ZC3H3: variants seen among roughly 807,000 people sequenced by gnomAD.
The protein encoded by ZC3H3 is zinc finger CCCH-type containing 3, also known as zinc finger CCCH domain-containing protein 3.
In ZC3H3, 36 loss-of-function variants were observed where a neutral mutation model predicts 77.3. That is an observed-to-expected ratio of 0.47 (90% CI 0.36 to 0.61). ZC3H3 has a LOEUF of 0.61. Among genes scored for constraint, ZC3H3 ranks in the 20% least tolerant of loss-of-function variants. The pLI is 0.00. For synonymous variants in ZC3H3, 626 were observed against 555.2 expected, an observed-to-expected ratio of 1.13 and a Z score of -1.79; for missense variants, 1,331 against 1,312.2, an observed-to-expected ratio of 1.01 and a Z score of -0.22.
chr8:143,540,361 G>C (rs986614416), intron 1 of ZC3H3, among the ~76,000 whole-genome samples: 8 of 152,240 alleles, frequency 5.3e-5, no homozygotes, highest in African/African-American at 1.9e-4. Flanking sequence ...TGAGTAGCTG[G>C]GACTACAGGC....
intron 4 of ZC3H3, 93 bp downstream of exon 4, chr8:143,507,653 C>G: frequency 7.4e-7 from 1 of 1,355,268 alleles, no homozygotes. Context: ...TGCTCAGCTC[C>G]CCCTGGCCCT....
At chr8:143,536,075 G>A (rs1213334770) in intron 3 of ZC3H3, among the ~76,000 whole-genome samples, 182 bp downstream of exon 3, 2 of 152,228 alleles carry the variant, frequency 1.3e-5, no homozygotes, top group Non-Finnish European at 2.9e-5. Context: ...AGACTGCAGG[G>A]CGCAGCATCC....
At chr8:143,516,337 C>T (rs1457052561) in intron 3 of ZC3H3, among the ~76,000 whole-genome samples, 2 of 152,198 alleles carry the variant, frequency 1.3e-5, no homozygotes, top group Non-Finnish European at 2.9e-5. Context: ...TGGCCAGGAG[C>T]AGGGCCACGG....
At chr8:143,465,509 T>C (rs1047715448) in intron 9 of ZC3H3, among the ~76,000 whole-genome samples, 11 of 152,232 alleles carry the variant, frequency 7.2e-5, no homozygotes, top group African/African-American at 2.7e-4. Flanking sequence ...CACCTTCCCA[T>C]GGTTCAAACC....
intron 3 of ZC3H3, among the ~76,000 whole-genome samples, chr8:143,524,452 G>A (rs533668914): frequency 2.6e-5 from 4 of 152,226 alleles, no homozygotes; most frequent in East Asian, 3.8e-4. Context: ...AGACACACCC[G>A]GCCGAGGGGC....
chr8:143,540,604 C>A (rs1822978908), intron 1 of ZC3H3, among the ~76,000 whole-genome samples: 1 of 152,188 alleles, frequency 6.6e-6, no homozygotes, highest in African/African-American at 2.4e-5. Context: ...GAAGCCTGTT[C>A]AGTCTGCGCC....
At position 143,533,964 on chromosome 8, in the gene ZC3H3, C is replaced by T. The variant is rs1022161065; in HGVS notation, c.1561+2293G>A. 6.6e-6 allele frequency among the ~76,000 whole-genome samples: 1 copy of T among 152,020 alleles called. No homozygotes were observed. Among genetic ancestry groups the T allele is most frequent in the South Asian group, 2.1e-4 (1 of 4,824 alleles). On this transcript the variant is annotated intron_variant, in intron 3 of 11. Transcript: ENST00000262577. This position sits in a 1 kb window ranked among gnomAD's most constrained non-coding sequence, Gnocchi z 4.0. ...GTGCTGGGATTACAGGCATGAGCCA[C>T]CACGCCCAGCCTCACGTTGGTCTTT...
intron 4 of ZC3H3, among the ~76,000 whole-genome samples, chr8:143,497,006 C>A (rs1821369576): frequency 6.6e-6 from 1 of 152,232 alleles, no homozygotes; most frequent in Non-Finnish European, 1.5e-5. Flanking sequence ...TCCGGGGGCA[C>A]CAGGGCTCCG....
At chr8:143,491,592 T>C (rs557419346) in intron 4 of ZC3H3, among the ~76,000 whole-genome samples, 1 of 152,336 alleles carries the variant, frequency 6.6e-6, no homozygotes, top group South Asian at 2.1e-4. Flanking sequence ...CACCAGCTCC[T>C]CAGGCCAGCC....
intron 3 of ZC3H3, among the ~76,000 whole-genome samples, chr8:143,508,726 C>A (rs899064293): frequency 1.3e-5 from 2 of 151,992 alleles, no homozygotes; most frequent in South Asian, 4.2e-4. Context: ...GCCCCCGCCC[C>A]CCTCCACCCC....
intron 3 of ZC3H3, among the ~76,000 whole-genome samples, chr8:143,532,578 C>A (rs1463323090): frequency 2.0e-5 from 3 of 152,224 alleles, no homozygotes; most frequent in African/African-American, 7.2e-5. Flanking sequence ...ACGAACACCC[C>A]AGCCGATGGA....
At chr8:143,520,344 C>T (rs971072929) in intron 3 of ZC3H3, among the ~76,000 whole-genome samples, 5 of 152,340 alleles carry the variant, frequency 3.3e-5, no homozygotes, top group East Asian at 1.9e-4. Flanking sequence ...AGCACCCTTC[C>T]GGGGCCACTC....
At position 143,537,989 on chromosome 8, in the gene ZC3H3, G is replaced by A. The variant is rs1822857230; in HGVS notation, c.1364+14C>T. 1.3e-6 allele frequency: 2 copies of A among 1,584,598 alleles called. No homozygotes were observed. Among genetic ancestry groups the A allele is most frequent in the African/African-American group, 2.7e-5 (2 of 74,528 alleles). On this transcript the variant is annotated intron_variant, in intron 2 of 11. Transcript: ENST00000262577. Reference sequence around the variant, plus strand: ...AGCCCCTCACACTCTACCGCAGCCGGCCGGGATGCCCACCTTGTGCTGCTG... The same window carrying A: ...AGCCCCTCACACTCTACCGCAGCCGACCGGGATGCCCACCTTGTGCTGCTG...
chr8:143,524,719 C>G (rs1822356419), intron 3 of ZC3H3, among the ~76,000 whole-genome samples: 1 of 152,280 alleles, frequency 6.6e-6, no homozygotes, highest in Non-Finnish European at 1.5e-5. Flanking sequence ...CTGCGCTGCA[C>G]TGGTGGCCGT....
chr8:143,513,876 C>A (rs1169399246), intron 3 of ZC3H3, among the ~76,000 whole-genome samples: 1 of 152,192 alleles, frequency 6.6e-6, no homozygotes, highest in Non-Finnish European at 1.5e-5. Context: ...TGGGGGTGGA[C>A]AGGGTGGCCC....
chr8:143,531,247 C>T (rs1031898021), intron 3 of ZC3H3, among the ~76,000 whole-genome samples: 8 of 152,158 alleles, frequency 5.3e-5, no homozygotes, highest in Admixed American at 1.3e-4. Flanking sequence ...GCATGAGCCT[C>T]GGCACCCGGC....
At chr8:143,474,889 G>A (rs776722682) in intron 5 of ZC3H3, among the ~76,000 whole-genome samples, 83 of 152,326 alleles carry the variant, frequency 5.4e-4, no homozygotes, top group East Asian at 1.2e-3. Context: ...CACAGTTGTC[G>A]AGGCGTCGCC....
rs184109421 is a variant in ZC3H3, at chr8:143,471,256, G to A, written c.1904-2597C>T. On this transcript the variant is annotated intron_variant, in intron 5 of 11. Coordinates refer to ENST00000262577, the MANE Select transcript of ZC3H3 (RefSeq NM_015117.3). ...CCACCAGGCCCTCCAGGGCACGTCC[G>A]TCTGGCACATGGAGGCTGTGCCCTT... Among the ~76,000 whole-genome samples, 503 of 152,382 alleles carry A rather than the reference G, an allele frequency of 3.3e-3. 2 individuals are homozygous for A. The highest frequency in any genetic ancestry group is 5.2e-3 in the Non-Finnish European group (356 of 68,034).
rs36081285 is a variant in ZC3H3, at chr8:143,500,977, C to CTT, written c.1715+6767_1715+6768dup. Among the ~76,000 whole-genome samples, 754 of 134,104 alleles carry CTT rather than the reference C, an allele frequency of 5.6e-3. 7 individuals carry two copies. Among genetic ancestry groups the CTT allele is most frequent in the African/African-American group, 0.019 (702 of 36,226 alleles). The allele number at this position is 134,104 out of a possible 152,430, so 88.0% of individuals were successfully genotyped here. ...ACAAGTGCCTGCTACCATGCCCGAC[C>CTT]TTTTTTTTTTTTTTTTTTAAGTAGA... On this transcript the variant is annotated intron_variant, in intron 4 of 11. Coordinates refer to ENST00000262577, the MANE Select transcript of ZC3H3 (RefSeq NM_015117.3).
Sources: gnomAD v4.1 joint callset for allele counts (sites outside exome capture counted in the v4.1 genomes callset) on GRCh38, gnomAD v4.1.1 for gene constraint, Gnocchi (gnomAD v3.1) non-coding constraint, MANE v1.5 for transcripts, NCBI Gene and HGNC (gene_info 2026-07-23, HGNC 2026-07-21) for gene names.